Variants in PCNX1 observed in about 807,000 individuals in gnomAD.
The protein encoded by PCNX1 is pecanex-like protein 1.
Under a neutral mutation model 242.2 loss-of-function variants are expected in PCNX1, and 78 were observed. The observed-to-expected ratio is 0.32, with a 90% CI of 0.27 to 0.39. The LOEUF is 0.39. Ranked by LOEUF, PCNX1 falls within the 10% of genes least tolerant of loss-of-function variation. The pLI, the probability that PCNX1 is intolerant of heterozygous loss-of-function variation, is 1.00. For missense variants in PCNX1, 2,581 were observed against 2,856.5 expected (o/e 0.90, Z 2.20); for synonymous variants, 1,024 against 1,032.9 (o/e 0.99, Z 0.17).
At chr14:70,947,429 T>C (rs1003757642) in intron 2 of PCNX1, among the ~76,000 whole-genome samples, 1 of 152,204 alleles carries the variant, frequency 6.6e-6, no homozygotes, top group African/African-American at 2.4e-5. Flanking sequence ...GAACATAAAC[T>C]GTGAGGATTT....
chr14:71,024,851 C>T (rs1288705588), intron 13 of PCNX1, among the ~76,000 whole-genome samples: 11 of 152,204 alleles, frequency 7.2e-5, no homozygotes, highest in Non-Finnish European at 1.5e-5. Flanking sequence ...CAGATATTCA[C>T]ATATGTGCAC....
At chr14:70,965,286 G>A (rs374372823) in intron 3 of PCNX1, 29 of 152,226 alleles carry the variant, frequency 1.9e-4, no homozygotes, top group African/African-American at 7.0e-4. Flanking sequence ...ACTTAGTGTG[G>A]GTTGGGGAGT....
At chr14:71,076,645 C>T (rs1566780788) in intron 28 of PCNX1, among the ~76,000 whole-genome samples, 1 of 152,212 alleles carries the variant, frequency 6.6e-6, no homozygotes, top group African/African-American at 2.4e-5. Context: ...CCCAGTCTCA[C>T]TGTCCAGGTA....
intron 7 of PCNX1, among the ~76,000 whole-genome samples, chr14:70,991,118 A>G (rs138258381): frequency 1.6e-4 from 24 of 152,206 alleles, no homozygotes; most frequent in Non-Finnish European, 2.9e-4. Context: ...CTAATGTTCT[A>G]ACTCCAGCCA....
At chr14:71,022,915 CTCTG>C (rs1378055520) in intron 12 of PCNX1, among the ~76,000 whole-genome samples, 24 of 152,094 alleles carry the variant, frequency 1.6e-4, no homozygotes, top group Admixed American at 3.3e-4. Context: ...AGTAAGATGG[CTCTG>C]TCTATCATAT....
chr14:71,099,693 A>G (rs1175221039), intron 30 of PCNX1, among the ~76,000 whole-genome samples: 3 of 152,136 alleles, frequency 2.0e-5, no homozygotes, highest in Non-Finnish European at 4.4e-5. Flanking sequence ...GTCCCGTACT[A>G]TTACTATGTG....
At chr14:71,090,095 G>A (rs2062091002) in intron 30 of PCNX1, among the ~76,000 whole-genome samples, 1 of 152,140 alleles carries the variant, frequency 6.6e-6, no homozygotes, top group African/African-American at 2.4e-5. Context: ...AACACTTCAG[G>A]AATGTTACAA....
chr14:71,003,556 A>G (rs998140921), intron 8 of PCNX1, among the ~76,000 whole-genome samples: 2 of 152,160 alleles, frequency 1.3e-5, no homozygotes, highest in Non-Finnish European at 2.9e-5. Context: ...AGATTATTTT[A>G]CCCAAGTAAG....
At chr14:71,091,901 C>G (rs2062143396) in intron 30 of PCNX1, among the ~76,000 whole-genome samples, 1 of 152,202 alleles carries the variant, frequency 6.6e-6, no homozygotes, top group Admixed American at 6.5e-5. Flanking sequence ...CACTAATCAT[C>G]TCTGTGTGAG....
intron 1 of PCNX1, among the ~76,000 whole-genome samples, chr14:70,910,303 G>C (rs980713335): frequency 7.0e-6 from 1 of 143,530 alleles, no homozygotes; most frequent in Non-Finnish European, 1.5e-5. Context: ...CTCTCTCCTG[G>C]ATTATTGCAG....
At chr14:71,013,430 T>G (rs573680981) in intron 11 of PCNX1, among the ~76,000 whole-genome samples, 1 of 152,254 alleles carries the variant, frequency 6.6e-6, no homozygotes, top group African/African-American at 2.4e-5. Context: ...GAAATTAGTT[T>G]TGTTAATCAG....
At chr14:71,030,316 G>A (rs944106266) in intron 16 of PCNX1, among the ~76,000 whole-genome samples, 1 of 152,120 alleles carries the variant, frequency 6.6e-6, no homozygotes. Flanking sequence ...CTTTATGAAA[G>A]TTGGAGGCTT....
intron 8 of PCNX1, 25 bp downstream of exon 8, chr14:70,995,950 A>G (rs778122143): frequency 1.9e-6 from 3 of 1,582,266 alleles, no homozygotes; most frequent in Admixed American, 1.7e-5. Flanking sequence ...TGTAATCTTG[A>G]TGATACAAAA....
chr14:71,081,459 G>A (rs572401578), intron 28 of PCNX1, among the ~76,000 whole-genome samples: 12 of 152,116 alleles, frequency 7.9e-5, no homozygotes, highest in African/African-American at 1.7e-4. Context: ...GCTCTTCTTC[G>A]TACCTCTGGT....
At chr14:71,018,585 T>C (rs2060018111) in intron 11 of PCNX1, among the ~76,000 whole-genome samples, 1 of 152,204 alleles carries the variant, frequency 6.6e-6, no homozygotes, top group African/African-American at 2.4e-5. Flanking sequence ...TTTTGCCATA[T>C]AACAAATGTT....
chr14:70,949,319 A>ACG, intron 2 of PCNX1, among the ~76,000 whole-genome samples: 1 of 147,346 alleles, frequency 6.8e-6, no homozygotes, highest in East Asian at 2.0e-4. Flanking sequence ...GTGTAGATAC[A>ACG]CACGTGTATA....
chr14:71,094,539 T>C (rs184190175), intron 30 of PCNX1, among the ~76,000 whole-genome samples: 5 of 152,356 alleles, frequency 3.3e-5, no homozygotes, highest in African/African-American at 1.2e-4. Context: ...TGATGTACTT[T>C]TAGTACTTCA....
rs534213040 is a variant in PCNX1, at chr14:70,947,419, G to T, written c.362+296G>T. Among the ~76,000 whole-genome samples, 198 of 152,310 alleles carry T rather than the reference G, an allele frequency of 1.3e-3. 1 individual carries two copies. The Middle Eastern group carries it at 0.014, about 10-fold the overall frequency. On this transcript the variant is annotated intron_variant, in intron 2 of 35. Coordinates refer to ENST00000304743, the MANE Select transcript of PCNX1 (RefSeq NM_014982.3). ...GGGACCAGCTGAAGCCATGGCAGAA[G>T]AACATAAACTGTGAGGATTTCATGG...
chr14:71,010,192 A>G (rs1451335804), intron 9 of PCNX1, among the ~76,000 whole-genome samples: 1 of 152,154 alleles, frequency 6.6e-6, no homozygotes, highest in Non-Finnish European at 1.5e-5. Flanking sequence ...TTTAAAAACT[A>G]AATCAAGATA....
Sources: allele counts gnomAD v4.1 joint callset (sites outside exome capture counted in the v4.1 genomes callset), GRCh38; gene constraint gnomAD v4.1.1; transcripts MANE v1.5; gene names NCBI Gene and HGNC (gene_info 2026-07-23, HGNC 2026-07-21).